MAPKAP1: variants seen among roughly 807,000 people sequenced by gnomAD.
MAPKAP1 encodes MAPK associated protein 1.
MAPKAP1 carries 20 observed loss-of-function variants against 65.7 expected under a neutral mutation model. The ratio of observed to expected loss-of-function variants is 0.30; its 90% confidence interval spans 0.21 to 0.44. The LOEUF (loss-of-function observed/expected upper bound fraction) is 0.44. Ranked by LOEUF, MAPKAP1 falls within the 20% of genes least tolerant of loss-of-function variation. The pLI, the probability that MAPKAP1 is intolerant of heterozygous loss-of-function variation, is 1.00. For missense variants in MAPKAP1, 423 were observed against 648.0 expected (o/e 0.65, Z 3.77); for synonymous variants, 222 against 244.3 (o/e 0.91, Z 0.85).
At chr9:125,630,112 C>T (rs564771347) in intron 4 of MAPKAP1, among the ~76,000 whole-genome samples, 83 of 152,138 alleles carry the variant, frequency 5.5e-4, no homozygotes, top group African/African-American at 2.0e-3. Context: ...TCAGTGACAC[C>T]TAACTCTAGT....
rs1350826760 is a variant in MAPKAP1 at position 125,518,352 on chromosome 9, CATTACATCTGTAATCCCAT to C, written c.959-11954_959-11936del. 6.7e-3 allele frequency among the ~76,000 whole-genome samples: 1,013 copies of C among 150,444 alleles called. 16 individuals carry two copies. Among genetic ancestry groups the C allele is most frequent in the African/African-American group, 0.022 (893 of 41,284 alleles). On this transcript the variant is annotated intron_variant, in intron 7 of 11. Transcript: ENST00000265960. ...ATCCCATACTACATCTGTAATCCCA[CATTACATCTGTAATCCCAT>C]ATTACATCTGTAATCCCACATTACA...
chr9:125,442,675 T>G (rs562148852), intron 11 of MAPKAP1, among the ~76,000 whole-genome samples: 11 of 152,152 alleles, frequency 7.2e-5, no homozygotes, highest in African/African-American at 2.7e-4. Flanking sequence ...CTGCAAGCAC[T>G]CCCAGGCAGG....
Position 125,438,897 on chromosome 9 carries a change from C to T in MAPKAP1, c.1559G>A (p.Gly520Glu), listed in dbSNP as rs750348915. Reference sequence around the variant, plus strand: ...GGCTGGAGGCCAGTGTCACTGCTGCCCGGATTTCTTCTCCTTCTGGAAGCT... The same window carrying T: ...GGCTGGAGGCCAGTGTCACTGCTGCTCGGATTTCTTCTCCTTCTGGAAGCT... ...SFSFQKEKKS[G>E]QQ Residue 520 changes from glycine to glutamate, a missense_variant, in exon 12 of 12, where the codon GGG becomes GAG. Physicochemically the swap from Gly to Glu is moderately conservative, Grantham distance 98. Around this residue, in one of 6 missense-constraint regions of MAPKAP1, gnomAD observed 185 missense variants for 268.1 expected, o/e 0.69. Transcript: ENST00000265960. 20 of 1,614,208 alleles carry T rather than the reference C, an allele frequency of 1.2e-5. No homozygotes were observed. The highest frequency in any genetic ancestry group is 1.7e-5 in the Non-Finnish European group (20 of 1,180,028).
intron 4 of MAPKAP1, among the ~76,000 whole-genome samples, chr9:125,586,526 A>C: frequency 6.6e-6 from 1 of 150,820 alleles, no homozygotes; most frequent in East Asian, 1.9e-4. Flanking sequence ...TTTTTTTATA[A>C]CCCCTGCACC....
intron 4 of MAPKAP1, among the ~76,000 whole-genome samples, chr9:125,607,062 CTT>C (rs778436530): frequency 2.0e-5 from 3 of 152,230 alleles, no homozygotes; most frequent in Middle Eastern, 3.4e-3. Flanking sequence ...ATATTACATA[CTT>C]TAAAGGGAAG....
intron 7 of MAPKAP1, among the ~76,000 whole-genome samples, chr9:125,529,035 G>A (rs1589260730): frequency 6.6e-6 from 1 of 151,396 alleles, no homozygotes; most frequent in African/African-American, 2.4e-5. Flanking sequence ...TTAGCCGGGC[G>A]TGGTGGTGTG....
chr9:125,454,590 C>T (rs996580509), intron 10 of MAPKAP1, among the ~76,000 whole-genome samples: 2 of 152,048 alleles, frequency 1.3e-5, no homozygotes, highest in Admixed American at 1.3e-4. Context: ...CATGATTCTC[C>T]CAGGGTTGCA....
At chr9:125,620,393 T>G (rs1832861840) in intron 4 of MAPKAP1, among the ~76,000 whole-genome samples, 1 of 152,230 alleles carries the variant, frequency 6.6e-6, no homozygotes, top group South Asian at 2.1e-4. Context: ...AAACAGGCAG[T>G]GTCTTACATT....
intron 10 of MAPKAP1, among the ~76,000 whole-genome samples, chr9:125,445,148 G>T (rs979709249): frequency 7.9e-5 from 12 of 151,924 alleles, no homozygotes; most frequent in Non-Finnish European, 1.6e-4. Flanking sequence ...ATGGGGGCGG[G>T]GGGGGCACCA....
At chr9:125,659,598 C>G (rs146813177) in intron 3 of MAPKAP1, among the ~76,000 whole-genome samples, 14 of 152,152 alleles carry the variant, frequency 9.2e-5, no homozygotes, top group African/African-American at 3.4e-4. Flanking sequence ...TGCACTAGAT[C>G]CCATCCCTCT....
intron 4 of MAPKAP1, chr9:125,650,475 C>T (rs975715310): frequency 6.6e-6 from 1 of 152,298 alleles, no homozygotes; most frequent in Non-Finnish European, 1.5e-5. Flanking sequence ...TTGCCTCAGA[C>T]CTTCTGTTCC....
rs778218105 is a variant in MAPKAP1, at chr9:125,506,305, C to T, written c.1066+5G>A. The T allele has an allele frequency of 2.5e-6, 4 of 1,612,998 alleles. No homozygotes were observed. Among genetic ancestry groups the T allele is most frequent in the Non-Finnish European group, 3.4e-6 (4 of 1,179,082 alleles). On this transcript the variant is annotated splice_donor_5th_base_variant and intron_variant, in intron 8 of 11. Coordinates refer to ENST00000265960, the MANE Select transcript of MAPKAP1 (RefSeq NM_001006617.3). ...AGCGGGCATGGAGCGAGGCGGCCAA[C>T]GTACTGTTCTCGCGGACCAGGCAGA...
intron 4 of MAPKAP1, among the ~76,000 whole-genome samples, chr9:125,618,396 A>C (rs980777267): frequency 1.3e-5 from 2 of 150,782 alleles, no homozygotes; most frequent in East Asian, 1.9e-4. Context: ...TGTTAAAGAC[A>C]ACCCATTACC....
At chr9:125,459,853 T>C (rs1475576284) in intron 10 of MAPKAP1, among the ~76,000 whole-genome samples, 1 of 17,194 alleles carries the variant, frequency 5.8e-5, no homozygotes, top group African/African-American at 4.7e-4. Context: ...AGGGAGACCG[T>C]GGGGAGAGGG....
At chr9:125,690,728 A>T (rs1835141302) in intron 1 of MAPKAP1, among the ~76,000 whole-genome samples, 1 of 152,260 alleles carries the variant, frequency 6.6e-6, no homozygotes, top group African/African-American at 2.4e-5. Context: ...AAAAGGCAAC[A>T]TTCGAGGTAG....
At chr9:125,524,049 A>T (rs1474821225) in intron 7 of MAPKAP1, among the ~76,000 whole-genome samples, 1 of 152,192 alleles carries the variant, frequency 6.6e-6, no homozygotes, top group Non-Finnish European at 1.5e-5. Flanking sequence ...TTATTTATTT[A>T]TTTTTTATTT....
At chr9:125,562,319 T>C (rs533296886) in intron 5 of MAPKAP1, among the ~76,000 whole-genome samples, 123 of 152,310 alleles carry the variant, frequency 8.1e-4, no homozygotes, top group Non-Finnish European at 1.5e-3. Context: ...AAGTGTGAAA[T>C]CATTCATTCA....
chr9:125,617,671 C>T (rs1355218100), intron 4 of MAPKAP1, among the ~76,000 whole-genome samples: 2 of 151,732 alleles, frequency 1.3e-5, no homozygotes, highest in East Asian at 1.9e-4. Flanking sequence ...ATCTATGGGA[C>T]GTAATGTTAA....
At chr9:125,472,649 T>C (rs1401312303) in intron 9 of MAPKAP1, among the ~76,000 whole-genome samples, 12 of 152,216 alleles carry the variant, frequency 7.9e-5, no homozygotes, top group Non-Finnish European at 1.8e-4. Flanking sequence ...TTTTGTTACA[T>C]TGACATTTCT....
Sources: allele counts gnomAD v4.1 joint callset (sites outside exome capture counted in the v4.1 genomes callset), GRCh38; gene constraint gnomAD v4.1.1; regional missense constraint gnomAD v4.1.1; transcripts MANE v1.5; gene names NCBI Gene and HGNC (gene_info 2026-07-23, HGNC 2026-07-21).